SLCO4C1: variants seen among roughly 807,000 people sequenced by gnomAD.
SLCO4C1 encodes the protein solute carrier organic anion transporter family member 4C1.
A neutral mutation model predicts 72.1 loss-of-function variants in SLCO4C1; 58 were observed. The observed-to-expected ratio is 0.80, with a 90% CI of 0.65 to 1.00. The LOEUF (loss-of-function observed/expected upper bound fraction) is 1.00, where lower values mean the gene tolerates loss of function less well. Among genes scored for constraint, SLCO4C1 ranks in the 50% least tolerant of loss-of-function variants. The probability of loss-of-function intolerance (pLI) is 0.00; values close to 1 mark genes in which losing one functional copy is unlikely to be tolerated. For missense variants in SLCO4C1, 898 were observed against 857.9 expected, an observed-to-expected ratio of 1.05 and a Z score of -0.58; for synonymous variants, 297 against 312.5, an observed-to-expected ratio of 0.95 and a Z score of 0.52.
At chr5:102,272,066 G>A (rs1749162914) in intron 2 of SLCO4C1, among the ~76,000 whole-genome samples, 1 of 152,116 alleles carries the variant, frequency 6.6e-6, no homozygotes, top group South Asian at 2.1e-4. Flanking sequence ...CATCCAGGCA[G>A]GCCCCAAGTA....
chr5:102,296,049 C>T lies in SLCO4C1; in HGVS notation c.214G>A (p.Glu72Lys), dbSNP rs138439271. The T allele has an allele frequency of 1.9e-6, 3 of 1,614,080 alleles. No homozygotes were observed. The African/African-American group carries it at 4.0e-5, about 22-fold the overall frequency. Residue 72 changes from glutamate (E) to lysine (K), a missense_variant, in exon 1 of 13, where the codon GAA becomes AAA. By Grantham distance (56) the Glu-to-Lys change is moderately conservative. Coordinates refer to ENST00000310954, the MANE Select transcript of SLCO4C1 (RefSeq NM_180991.5). ...SLPSAPPNVS[E>K]EKLRSLSLSE... ...AGCGACAGTGACCGGAGCTTCTCTT[C>T]GGAGACATTGGGAGGGGCTGAAGGC...
chr5:102,291,237 T>A (rs148908747), intron 2 of SLCO4C1, 106 bp downstream of exon 2: 3 of 1,192,436 alleles, frequency 2.5e-6, no homozygotes, highest in Non-Finnish European at 3.6e-6. Context: ...GTGGAAGAGA[T>A]GTAAACCCTT....
rs142856723 is a variant in SLCO4C1, at chr5:102,293,956, C to T, written c.355+1952G>A. Reference sequence around the variant, plus strand: ...CAGAGTTTCCCTCTGTTGCCTAGGCCGGAGTGCAATGACACGATCTCGGTC... The same window carrying T: ...CAGAGTTTCCCTCTGTTGCCTAGGCTGGAGTGCAATGACACGATCTCGGTC... On this transcript the variant is annotated intron_variant, in intron 1 of 12. Coordinates refer to ENST00000310954, the MANE Select transcript of SLCO4C1 (RefSeq NM_180991.5). Among the ~76,000 whole-genome samples the T allele has an allele frequency of 4.4e-3, 667 of 152,116 alleles. 12 individuals are homozygous for T. The highest frequency in any genetic ancestry group is 0.015 in the African/African-American group (641 of 41,500).
At chr5:102,250,522 G>T (rs1167798336) in intron 8 of SLCO4C1, among the ~76,000 whole-genome samples, 1 of 152,114 alleles carries the variant, frequency 6.6e-6, no homozygotes, top group Non-Finnish European at 1.5e-5. Context: ...CTGCCCTCAA[G>T]GATTTCACAG....
chr5:102,289,032 A>T (rs1749504682), intron 2 of SLCO4C1, among the ~76,000 whole-genome samples: 1 of 152,224 alleles, frequency 6.6e-6, no homozygotes, highest in South Asian at 2.1e-4. Flanking sequence ...TGGCAGAATA[A>T]CAGGAGGGCA....
chr5:102,241,581 T>A lies in SLCO4C1; in HGVS notation c.1812-799A>T, dbSNP rs1362755513. Among the ~76,000 whole-genome samples, 3 of 151,896 alleles carry A rather than the reference T, an allele frequency of 2.0e-5. No homozygotes were observed. In the East Asian group the frequency reaches 5.8e-4, roughly 29 times the overall value. On this transcript the variant is annotated intron_variant, in intron 10 of 12. Transcript: ENST00000310954. ...TACACTGAAAGCTATAAAACACTGA[T>A]GAAAGAAATTGAAGAAGCCACAAAT...
chr5:102,276,175 G>A (rs1457159727), intron 2 of SLCO4C1, among the ~76,000 whole-genome samples: 1 of 152,156 alleles, frequency 6.6e-6, no homozygotes, highest in Non-Finnish European at 1.5e-5. Context: ...CAAAAGTCAT[G>A]AATAGTAAAT....
At chr5:102,273,541 G>A (rs3857355) in intron 2 of SLCO4C1, among the ~76,000 whole-genome samples, 1 of 152,092 alleles carries the variant, frequency 6.6e-6, no homozygotes, top group African/African-American at 2.4e-5. Flanking sequence ...AGGCAGTAAA[G>A]GGATGCCAAA....
chr5:102,237,354 G>A (rs1343410955), intron 12 of SLCO4C1, among the ~76,000 whole-genome samples: 1 of 152,038 alleles, frequency 6.6e-6, no homozygotes, highest in Non-Finnish European at 1.5e-5. Flanking sequence ...CATAATCCCA[G>A]TACTTTGGGA....
rs33922930 is a variant in SLCO4C1 at position 102,270,814 on chromosome 5, GAA to G, written c.620-10_620-9del. 6.9e-7 allele frequency: 1 copy of G among 1,446,636 alleles called. No homozygotes were observed. 89.6% of individuals were successfully genotyped at this position (1,446,636 alleles called of 1,614,324 possible). A position where few individuals can be genotyped will look rare whatever the true frequency, so the allele number is the denominator to read the frequency against. ...TTGTTGTTACACAAGTGTCTTTGTG[GAA>G]AAAAAAATTGTGAATTTATAGAAAT... On this transcript the variant is annotated splice_polypyrimidine_tract_variant and intron_variant, in intron 2 of 12. Transcript: ENST00000310954.
rs1213236167 is a variant in SLCO4C1, at chr5:102,257,307, GCCCCT to G, written c.1274-2_1276del. ...GAGAGCAGCTCCAGGAATTAAAACAGCCCCTAATAAGAAAAAAGAATGTAGATTGT... is the reference window on the plus strand; with the variant it reads ...GAGAGCAGCTCCAGGAATTAAAACAGAATAAGAAAAAAGAATGTAGATTGT... On this transcript the variant is annotated splice_acceptor_variant and coding_sequence_variant, in exon 8 of 13. Transcript: ENST00000310954. LOFTEE classifies it high-confidence loss of function. 1.9e-6 allele frequency: 3 copies of G among 1,581,758 alleles called. No homozygotes were observed. The highest frequency in any genetic ancestry group is 1.4e-5 in the African/African-American group (1 of 72,780).
At chr5:102,279,539 G>C (rs1749314912) in intron 2 of SLCO4C1, among the ~76,000 whole-genome samples, 1 of 151,812 alleles carries the variant, frequency 6.6e-6, no homozygotes, top group South Asian at 2.1e-4. Flanking sequence ...AGTAGAGGAG[G>C]AACATTTCTC....
At chr5:102,261,797 T>C in intron 5 of SLCO4C1, 115 bp downstream of exon 5, 4 of 1,098,640 alleles carry the variant, frequency 3.6e-6, no homozygotes, top group Non-Finnish European at 5.0e-6. Flanking sequence ...AGGCAGACAG[T>C]TGAGATTCTA....
intron 8 of SLCO4C1, among the ~76,000 whole-genome samples, chr5:102,253,951 A>G (rs894585069): frequency 1.2e-5 from 1 of 80,124 alleles, no homozygotes; most frequent in African/African-American, 5.4e-5. Flanking sequence ...AGTTGAAATT[A>G]TTTATATATA....
intron 4 of SLCO4C1, among the ~76,000 whole-genome samples, chr5:102,263,203 G>A (rs1376796027): frequency 1.1e-4 from 17 of 152,040 alleles, no homozygotes; most frequent in Admixed American, 8.5e-4. Flanking sequence ...ATATAGCATA[G>A]GACAAATAAA....
intron 3 of SLCO4C1, among the ~76,000 whole-genome samples, chr5:102,264,975 C>G (rs1395739304): frequency 1.3e-5 from 2 of 151,536 alleles, no homozygotes; most frequent in Admixed American, 6.6e-5. Flanking sequence ...TTTTTTATGG[C>G]TGAATAGTAT....
intron 2 of SLCO4C1, among the ~76,000 whole-genome samples, chr5:102,281,054 T>C (rs1214295666): frequency 6.6e-6 from 1 of 152,156 alleles, no homozygotes; most frequent in Non-Finnish European, 1.5e-5. Context: ...GTCTATAGGA[T>C]TTCAAGACTT....
chr5:102,240,951 T>C (rs1748528821), intron 10 of SLCO4C1, among the ~76,000 whole-genome samples, 169 bp from the exon 11 acceptor site: 1 of 152,042 alleles, frequency 6.6e-6, no homozygotes, highest in Non-Finnish European at 1.5e-5. Context: ...CCTGGGATTA[T>C]AAAAGAAGAA....
intron 8 of SLCO4C1, among the ~76,000 whole-genome samples, chr5:102,256,914 T>C (rs1276027632): frequency 2.0e-5 from 3 of 152,194 alleles, no homozygotes; most frequent in Admixed American, 6.5e-5. Context: ...GCTCCTTAAA[T>C]GTTCTTTGTA....
Sources: allele counts gnomAD v4.1 joint callset (sites outside exome capture counted in the v4.1 genomes callset), GRCh38; gene constraint gnomAD v4.1.1; transcripts MANE v1.5; gene names NCBI Gene and HGNC (gene_info 2026-07-23, HGNC 2026-07-21).